PDK1: variants seen among roughly 807,000 people sequenced by gnomAD.
The protein encoded by PDK1 is pyruvate dehydrogenase kinase 1.
A neutral mutation model predicts 54.2 loss-of-function variants in PDK1; 39 were observed. That is an observed-to-expected ratio of 0.72 (90% confidence interval 0.56 to 0.94). The LOEUF (loss-of-function observed/expected upper bound fraction) is 0.94. PDK1 is among the 40% of genes least tolerant of loss of function. The pLI, the probability that PDK1 is intolerant of heterozygous loss-of-function variation, is 0.00. For missense variants in PDK1, 552 were observed against 566.0 expected, an observed-to-expected ratio of 0.98 and a Z score of 0.25; for synonymous variants, 221 against 207.1, an observed-to-expected ratio of 1.07 and a Z score of -0.58.
intron 9 of PDK1, among the ~76,000 whole-genome samples, chr2:172,591,744 C>T (rs987941221): frequency 6.6e-6 from 1 of 152,114 alleles, no homozygotes; most frequent in South Asian, 2.1e-4. Context: ...TTTTAGCAAA[C>T]TTTACTTTTG....
chr2:172,621,634 T>C, the PDK1 span, among the ~76,000 whole-genome samples: 13 of 146,736 alleles, frequency 8.9e-5, no homozygotes, highest in African/African-American at 3.2e-4. Flanking sequence ...ATATATCATA[T>C]GTTTATATAT....
At chr2:172,708,123 G>A in the PDK1 span, among the ~76,000 whole-genome samples, 1 of 152,036 alleles carries the variant, frequency 6.6e-6, no homozygotes. Flanking sequence ...GAAACATGGT[G>A]AAACCCTGTC....
chr2:172,711,622 T>C, the PDK1 span, among the ~76,000 whole-genome samples: 129 of 152,078 alleles, frequency 8.5e-4, no homozygotes, highest in Non-Finnish European at 1.3e-3. Context: ...CCCAGAACTT[T>C]GGGAGGCAGA....
the PDK1 span, among the ~76,000 whole-genome samples, chr2:172,717,130 G>A: frequency 1.1e-4 from 16 of 152,328 alleles, no homozygotes; most frequent in African/African-American, 3.6e-4. Context: ...AGAAATGATG[G>A]TATCTCACAT....
the PDK1 span, among the ~76,000 whole-genome samples, chr2:172,711,018 A>T: frequency 6.6e-6 from 1 of 152,222 alleles, no homozygotes; most frequent in Non-Finnish European, 1.5e-5. Flanking sequence ...GGCTATGCCA[A>T]CTTTCACTGC....
the PDK1 span, among the ~76,000 whole-genome samples, chr2:172,624,773 C>T: frequency 0.038 from 5,795 of 152,118 alleles, 164 homozygotes; most frequent in South Asian, 0.15. Context: ...CCGAGGTGGG[C>T]GGATCACCTG....
At chr2:172,611,483 T>A (rs1691459092), downstream of PDK1, among the ~76,000 whole-genome samples, 1 of 152,068 alleles carries the variant, frequency 6.6e-6, no homozygotes, top group Non-Finnish European at 1.5e-5. Context: ...ACATTAAGTA[T>A]GTAAAAAAAA....
At chr2:172,578,510 A>T (rs1689702420) in intron 8 of PDK1, among the ~76,000 whole-genome samples, 1 of 152,104 alleles carries the variant, frequency 6.6e-6, no homozygotes. Context: ...ATTTTGAGAC[A>T]TCCTTATACT....
the PDK1 span, among the ~76,000 whole-genome samples, chr2:172,630,154 C>A: frequency 7.2e-5 from 11 of 152,180 alleles, no homozygotes; most frequent in Non-Finnish European, 1.2e-4. Context: ...TTTAGCAATA[C>A]TATCTTATGG....
the PDK1 span, among the ~76,000 whole-genome samples, chr2:172,647,194 T>G: frequency 1.3e-5 from 2 of 152,186 alleles, no homozygotes; most frequent in Non-Finnish European, 2.9e-5. Flanking sequence ...TAATGAGTTT[T>G]TTGTGTGTTT....
chr2:172,664,412 CT>C, the PDK1 span, among the ~76,000 whole-genome samples: 1 of 132,844 alleles, frequency 7.5e-6, no homozygotes, highest in South Asian at 2.6e-4. Flanking sequence ...GTTATTTGAT[CT>C]TTTTTCCTGG....
the PDK1 span, among the ~76,000 whole-genome samples, chr2:172,616,276 A>T: frequency 6.6e-6 from 1 of 152,248 alleles, no homozygotes; most frequent in African/African-American, 2.4e-5. Flanking sequence ...AAATTTGCAC[A>T]TATTTGGAAT....
At chr2:172,648,724 C>T in the PDK1 span, among the ~76,000 whole-genome samples, 1 of 152,224 alleles carries the variant, frequency 6.6e-6, no homozygotes, top group Admixed American at 6.5e-5. Flanking sequence ...CCCATGGAGC[C>T]TCTCTCACTG....
At chr2:172,628,547 A>T in the PDK1 span, among the ~76,000 whole-genome samples, 1 of 152,056 alleles carries the variant, frequency 6.6e-6, no homozygotes, top group African/African-American at 2.4e-5. Context: ...AATGTGTTTG[A>T]TATATGGCCT....
chr2:172,711,694 GTC>G, the PDK1 span, among the ~76,000 whole-genome samples: 5 of 151,704 alleles, frequency 3.3e-5, no homozygotes, highest in Admixed American at 6.6e-5. Flanking sequence ...GTGAAATGCT[GTC>G]TCTACATAAA....
the PDK1 span, among the ~76,000 whole-genome samples, chr2:172,633,200 G>GA: frequency 9.0e-6 from 1 of 111,512 alleles, no homozygotes; most frequent in Non-Finnish European, 1.9e-5. Context: ...GCACCACCAT[G>GA]CTTGGCTAAT....
chr2:172,662,782 G>GA, the PDK1 span, among the ~76,000 whole-genome samples: 1 of 151,910 alleles, frequency 6.6e-6, no homozygotes, highest in African/African-American at 2.4e-5. Flanking sequence ...GAAATTTCTA[G>GA]AAAAAAGGTG....
At chr2:172,588,423 G>T (rs570161963) in intron 9 of PDK1, among the ~76,000 whole-genome samples, 1 of 152,276 alleles carries the variant, frequency 6.6e-6, no homozygotes, top group South Asian at 2.1e-4. Flanking sequence ...TCCCCACTTA[G>T]AAAAATGGAG....
rs1344193809 is a variant in PDK1 at position 172,592,995 on chromosome 2, C to A, written c.1117C>A (p.Leu373Met). 6.2e-7 allele frequency: 1 copy of A among 1,611,898 alleles called. No homozygotes were observed. The highest frequency in any genetic ancestry group is 1.3e-5 in the African/African-American group (1 of 74,952). ...TTACGCACAATACTTCCAAGGAGACCTGAAGCTGTATTCCCTAGAGGGTTA... is the reference window on the plus strand; with the variant it reads ...TTACGCACAATACTTCCAAGGAGACATGAAGCTGTATTCCCTAGAGGGTTA... ...RLYAQYFQGD[L>M]KLYSLEGYGT... The change falls in exon 10 of 11, where the codon CTG becomes ATG. Residue 373 changes from leucine to methionine, a missense_variant. Coordinates refer to ENST00000282077, the MANE Select transcript of PDK1 (RefSeq NM_002610.5).
Sources: gnomAD v4.1 joint callset for allele counts (sites outside exome capture counted in the v4.1 genomes callset) on GRCh38, gnomAD v4.1.1 for gene constraint, MANE v1.5 for transcripts, NCBI Gene and HGNC (gene_info 2026-07-23, HGNC 2026-07-21) for gene names.